Variants in HTR1F observed in about 807,000 individuals in gnomAD.
The protein encoded by HTR1F is 5-hydroxytryptamine (serotonin) receptor 1F, G protein-coupled.
A neutral mutation model predicts 24.0 loss-of-function variants in HTR1F; 17 were observed. That is an observed-to-expected ratio of 0.71 (90% CI 0.48 to 1.06). The LOEUF (loss-of-function observed/expected upper bound fraction) is 1.06, where lower values mean the gene tolerates loss of function less well. Ranked by LOEUF, HTR1F falls within the 50% of genes least tolerant of loss-of-function variation. HTR1F has a pLI of 0.00. For synonymous variants in HTR1F, 186 were observed against 156.8 expected (o/e 1.19, Z -1.39); for missense variants, 391 against 427.8 (o/e 0.91, Z 0.76).
chr3:87,806,825 GA>G (rs1559589708), intron 1 of HTR1F, among the ~76,000 whole-genome samples: 1 of 151,962 alleles, frequency 6.6e-6, no homozygotes, highest in African/African-American at 2.4e-5. Context: ...TGTTTATGGT[GA>G]GAGGTATGAA....
intron 1 of HTR1F, among the ~76,000 whole-genome samples, chr3:87,819,602 A>C (rs967799428): frequency 2.0e-5 from 3 of 152,048 alleles, no homozygotes; most frequent in Non-Finnish European, 2.9e-5. Context: ...TTATTTTCAC[A>C]TTCATACATA....
intron 1 of HTR1F, among the ~76,000 whole-genome samples, chr3:87,818,858 G>A (rs1196402499): frequency 1.3e-5 from 2 of 152,122 alleles, no homozygotes; most frequent in African/African-American, 4.8e-5. Flanking sequence ...GTAGAGTATG[G>A]TATAGCTGGG....
intron 2 of HTR1F, among the ~76,000 whole-genome samples, chr3:87,890,774 C>A (rs1292547836): frequency 1.3e-5 from 2 of 151,532 alleles, no homozygotes; most frequent in Non-Finnish European, 2.9e-5. Context: ...AAAAAGTACA[C>A]AAATATTGAT....
chr3:87,908,389 A>G (rs1324193762), intron 2 of HTR1F, among the ~76,000 whole-genome samples: 1 of 152,034 alleles, frequency 6.6e-6, no homozygotes, highest in East Asian at 1.9e-4. Context: ...GTCAGCTGGT[A>G]GGAAAGTCTT....
At chr3:87,920,892 A>T (rs1375413181) in intron 2 of HTR1F, among the ~76,000 whole-genome samples, 2 of 152,024 alleles carry the variant, frequency 1.3e-5, no homozygotes, top group African/African-American at 2.4e-5. Context: ...TTTTTTAAAA[A>T]ATATACTTTT....
At chr3:87,936,546 A>G (rs1293791104) in intron 2 of HTR1F, among the ~76,000 whole-genome samples, 1 of 152,112 alleles carries the variant, frequency 6.6e-6, no homozygotes, top group Non-Finnish European at 1.5e-5. Context: ...TTTTTATAAC[A>G]CTCCAATAAG....
Position 87,913,661 on chromosome 3 carries a change from C to CA in HTR1F, c.-42-77039dup, listed in dbSNP as rs200355436. On this transcript the variant is annotated intron_variant, in intron 2 of 2. Coordinates refer to ENST00000319595, the MANE Select transcript of HTR1F (RefSeq NM_001322209.2). ...TTGATTGCACCACTATTCACAATAA[C>CA]AAAAAAAATGGAATCAACCTAAGCA... is the stretch of plus-strand genomic sequence containing the variant. Among the ~76,000 whole-genome samples the CA allele has an allele frequency of 4.7e-3, 716 of 151,722 alleles. 1 individual carries two copies. The highest frequency in any genetic ancestry group is 0.016 in the African/African-American group (666 of 41,396).
chr3:87,810,751 T>A (rs533591878), intron 1 of HTR1F, among the ~76,000 whole-genome samples: 1 of 152,214 alleles, frequency 6.6e-6, no homozygotes, highest in South Asian at 2.1e-4. Context: ...TATTTCAATA[T>A]GAACTCAGGT....
At chr3:87,825,328 G>A (rs1704440928) in intron 2 of HTR1F, among the ~76,000 whole-genome samples, 1 of 152,194 alleles carries the variant, frequency 6.6e-6, no homozygotes, top group Non-Finnish European at 1.5e-5. Context: ...TAGTTTGCCT[G>A]AGCCTGAAAT....
chr3:87,925,863 C>T (rs2635692), intron 2 of HTR1F, among the ~76,000 whole-genome samples: 7 of 152,134 alleles, frequency 4.6e-5, no homozygotes, highest in South Asian at 2.1e-4. Flanking sequence ...GCTGCCATAT[C>T]GAGTTTTTGT....
At chr3:87,875,416 C>A (rs892434208) in intron 2 of HTR1F, among the ~76,000 whole-genome samples, 2 of 151,704 alleles carry the variant, frequency 1.3e-5, no homozygotes, top group Non-Finnish European at 1.5e-5. Flanking sequence ...TACCACTGCA[C>A]TCCAGCCTGA....
chr3:87,864,247 A>C (rs2107236367), intron 2 of HTR1F, among the ~76,000 whole-genome samples: 1 of 152,306 alleles, frequency 6.6e-6, no homozygotes, highest in East Asian at 1.9e-4. Flanking sequence ...GAACATGGAC[A>C]GTTTGGGAGG....
At chr3:87,950,072 C>T (rs1236708632) in intron 2 of HTR1F, among the ~76,000 whole-genome samples, 1 of 152,178 alleles carries the variant, frequency 6.6e-6, no homozygotes, top group African/African-American at 2.4e-5. Context: ...GAGGCACACC[C>T]TACCTTTGTA....
At chr3:87,846,478 T>C (rs1290215577) in intron 2 of HTR1F, among the ~76,000 whole-genome samples, 1 of 151,736 alleles carries the variant, frequency 6.6e-6, no homozygotes, top group Non-Finnish European at 1.5e-5. Context: ...ATAACTGAAA[T>C]AGAATACCAA....
intron 2 of HTR1F, among the ~76,000 whole-genome samples, chr3:87,828,499 G>A (rs1355775800): frequency 6.6e-6 from 1 of 152,144 alleles, no homozygotes; most frequent in African/African-American, 2.4e-5. Flanking sequence ...TTCCCAATGA[G>A]CTCTTAACAT....
At chr3:87,981,492 G>T (rs144875741) in intron 2 of HTR1F, among the ~76,000 whole-genome samples, 99 of 152,298 alleles carry the variant, frequency 6.5e-4, no homozygotes, top group South Asian at 1.7e-3. Flanking sequence ...ACCATGCCTG[G>T]CCGCAATTGT....
At chr3:87,818,987 G>T (rs946391580) in intron 1 of HTR1F, among the ~76,000 whole-genome samples, 7 of 152,046 alleles carry the variant, frequency 4.6e-5, no homozygotes, top group African/African-American at 1.7e-4. Context: ...TTCAGCTTTG[G>T]CCTAAAATTC....
chr3:87,901,829 A>G (rs1706331364), intron 2 of HTR1F, among the ~76,000 whole-genome samples: 1 of 152,032 alleles, frequency 6.6e-6, no homozygotes, highest in South Asian at 2.1e-4. Flanking sequence ...GACATATTTT[A>G]TTTAGGCTCT....
intron 1 of HTR1F, among the ~76,000 whole-genome samples, chr3:87,807,513 A>G (rs1704093370): frequency 6.6e-6 from 1 of 151,866 alleles, no homozygotes; most frequent in Non-Finnish European, 1.5e-5. Context: ...CAGGTCTAAG[A>G]GTTTTTTGGT....
Sources: allele counts gnomAD v4.1 joint callset (sites outside exome capture counted in the v4.1 genomes callset), GRCh38; gene constraint gnomAD v4.1.1; transcripts MANE v1.5; gene names NCBI Gene and HGNC (gene_info 2026-07-23, HGNC 2026-07-21).